The following ZFAND4 variants were observed in gnomAD, a reference collection of about 807,000 sequenced individuals.
The protein encoded by ZFAND4 is AN1-type zinc finger protein 4.
In ZFAND4, 43 loss-of-function variants were observed where a neutral mutation model predicts 64.4. The ratio of observed to expected loss-of-function variants is 0.67; its 90% confidence interval spans 0.52 to 0.86. ZFAND4 has a LOEUF of 0.86. ZFAND4 is among the 40% of genes least tolerant of loss of function. The pLI, the probability that ZFAND4 is intolerant of heterozygous loss-of-function variation, is 0.00. For synonymous variants in ZFAND4, 296 were observed against 305.7 expected (o/e 0.97, Z 0.33); for missense variants, 929 against 859.8 (o/e 1.08, Z -1.01).
chr10:45,672,650 C>T lies in ZFAND4; in HGVS notation c.-518G>A, dbSNP rs1190066161. ...GCGGCTCGCAGCCCGGGCGCCCCCC[C>T]TGCCGGCCGCTCGCTAGCTCAGCCT... is the stretch of plus-strand genomic sequence containing the variant. On this transcript the variant is annotated 5_prime_UTR_variant, in exon 1 of 10. Transcript: ENST00000344646. 3.9e-5 allele frequency: 6 copies of T among 152,070 alleles called. No individual in the cohort carries two copies. In the South Asian group the frequency reaches 8.3e-4, roughly 21 times the overall value. The allele number at this position is 152,070 out of a possible 1,614,324, so 9.4% of individuals were successfully genotyped here.
intron 5 of ZFAND4, among the ~76,000 whole-genome samples, chr10:45,647,231 G>A (rs919434518): frequency 4.6e-5 from 7 of 152,068 alleles, no homozygotes; most frequent in Non-Finnish European, 5.9e-5. Flanking sequence ...AAAACTGGGC[G>A]CTCCATCATA....
At chr10:45,625,575 T>C (rs2045755474) in intron 7 of ZFAND4, among the ~76,000 whole-genome samples, 1 of 151,048 alleles carries the variant, frequency 6.6e-6, no homozygotes, top group Non-Finnish European at 1.5e-5. Flanking sequence ...ACATTTAGCA[T>C]TTAAAAATAC....
chr10:45,626,975 A>C lies in ZFAND4; in HGVS notation c.848T>G (p.Phe283Cys). The change falls in exon 7 of 10, where the codon TTT (phenylalanine) becomes TGT (cysteine). Residue 283 changes from phenylalanine to cysteine, a missense_variant. Phe to Cys is a radical substitution (Grantham distance 205). Coordinates refer to ENST00000344646, the MANE Select transcript of ZFAND4 (RefSeq NM_174890.4). ...GATTTCGGGCGGATATGCATTCCCA[A>C]AAGCAGGTGAACAAGATTGACCAAT... Reference protein sequence around the residue: ...PNIGQSCSPAFGNAYPPEISR... With the variant: ...PNIGQSCSPACGNAYPPEISR... 3.7e-6 allele frequency: 6 copies of C among 1,614,130 alleles called. No homozygotes were observed. The highest frequency in any genetic ancestry group is 5.1e-6 in the Non-Finnish European group (6 of 1,179,994).
intron 7 of ZFAND4, among the ~76,000 whole-genome samples, chr10:45,625,235 G>C (rs193057033): frequency 5.3e-4 from 80 of 150,948 alleles, no homozygotes; most frequent in African/African-American, 1.6e-3. Context: ...CACTTTGGGA[G>C]GCCCAGGCGG....
rs1345926681 is a variant in ZFAND4, at chr10:45,626,086, T to C, written c.1737A>G (p.Arg579=). 2 of 1,614,156 alleles carry C rather than the reference T, an allele frequency of 1.2e-6. No homozygotes were observed. Among genetic ancestry groups the C allele is most frequent in the African/African-American group, 1.3e-5 (1 of 75,028 alleles). ...FLASLAGSTS[R]NRLQSTRGAG... is the part of the protein sequence containing the mutation. ...CCCCACGTGTGCTCTGTAATCTATT[T>C]CTGCTTGTGCTCCCGGCCAGTGAGG... The change falls in exon 7 of 10, where the codon AGA becomes AGG. Residue 579 remains arginine (R), a synonymous_variant. Transcript: ENST00000344646.
intron 1 of ZFAND4, among the ~76,000 whole-genome samples, chr10:45,669,966 G>A (rs547980828): frequency 4.5e-4 from 69 of 152,160 alleles, no homozygotes; most frequent in African/African-American, 1.5e-3. Context: ...TTTGAAAACC[G>A]GCACAAGACA....
intron 6 of ZFAND4, among the ~76,000 whole-genome samples, chr10:45,631,938 G>C (rs2046251362): frequency 6.6e-6 from 1 of 152,174 alleles, no homozygotes; most frequent in Non-Finnish European, 1.5e-5. Context: ...CTAAAGAAAA[G>C]GGTTTGAACA....
chr10:45,643,446 G>A (rs935144534), intron 5 of ZFAND4, among the ~76,000 whole-genome samples: 7 of 151,150 alleles, frequency 4.6e-5, no homozygotes, highest in Admixed American at 3.3e-4. Context: ...CGAGGTGGGC[G>A]GATCACCAGG....
intron 1 of ZFAND4, among the ~76,000 whole-genome samples, chr10:45,671,533 G>C (rs867067181): frequency 2.6e-5 from 4 of 152,246 alleles, no homozygotes; most frequent in South Asian, 2.1e-4. Flanking sequence ...CCTTTGCATG[G>C]ACATGGATGA....
At chr10:45,633,651 T>A (rs185568778) in intron 6 of ZFAND4, among the ~76,000 whole-genome samples, 2,458 of 145,466 alleles carry the variant, frequency 0.017, 74 homozygotes, top group African/African-American at 0.058. Flanking sequence ...AAATTTTCTT[T>A]AAAAAAAAAA....
chr10:45,640,039 CA>C, intron 5 of ZFAND4, 76 bp from the exon 6 acceptor site: 3 of 1,468,612 alleles, frequency 2.0e-6, no homozygotes, highest in Non-Finnish European at 2.7e-6. Flanking sequence ...TATGAAACAG[CA>C]ATCTATAGAA....
intron 9 of ZFAND4, 99 bp downstream of exon 9, chr10:45,618,041 G>T: frequency 8.8e-6 from 11 of 1,255,704 alleles, no homozygotes; most frequent in Non-Finnish European, 1.2e-5. Flanking sequence ...TCATCTTAAT[G>T]ATGTTATAAA....
chr10:45,624,472 T>C (rs1320196003), intron 8 of ZFAND4, 111 bp downstream of exon 8: 2 of 894,962 alleles, frequency 2.2e-6, no homozygotes, highest in Admixed American at 2.3e-5. Context: ...CAGAATTTAC[T>C]CTGTACATGC....
At chr10:45,666,163 A>G (rs992006565) in intron 1 of ZFAND4, among the ~76,000 whole-genome samples, 1 of 152,248 alleles carries the variant, frequency 6.6e-6, no homozygotes, top group Non-Finnish European at 1.5e-5. Flanking sequence ...GGATCATTTT[A>G]TAGTCCCATC....
At chr10:45,641,058 T>C (rs2046966628) in intron 5 of ZFAND4, among the ~76,000 whole-genome samples, 1 of 152,232 alleles carries the variant, frequency 6.6e-6, no homozygotes, top group Admixed American at 6.5e-5. Context: ...TACATGTTTG[T>C]TTTGCCCCTT....
At chr10:45,617,186 A>G (rs1444047980) in intron 9 of ZFAND4, among the ~76,000 whole-genome samples, 1 of 152,228 alleles carries the variant, frequency 6.6e-6, no homozygotes, top group East Asian at 1.9e-4. Context: ...ATACCTAGTA[A>G]ACCTAAAAGA....
At chr10:45,670,345 G>A (rs2049097559) in intron 1 of ZFAND4, among the ~76,000 whole-genome samples, 1 of 151,686 alleles carries the variant, frequency 6.6e-6, no homozygotes, top group South Asian at 2.1e-4. Flanking sequence ...TCCTGCCTCA[G>A]CCTCCCTAGT....
At chr10:45,663,395 G>C (rs1225521595) in intron 2 of ZFAND4, 147 bp downstream of exon 2, 1 of 596,726 alleles carries the variant, frequency 1.7e-6, no homozygotes, top group Non-Finnish European at 2.8e-6. Context: ...ATAAATGTTG[G>C]AGAGAGGGAG....
In ZFAND4 at chr10:45,626,032, C is replaced by T. The variant is rs1271531114; in HGVS notation, c.1791G>A (p.Gly597=). The T allele has an allele frequency of 5.0e-6, 8 of 1,613,996 alleles. No individual in the cohort carries two copies. In the Middle Eastern group the frequency reaches 4.9e-4, roughly 99 times the overall value. ...GAAAATGCTGGAGGTTTGTAGACAGCCCAGTTCCAGAGTTCTGAAGCCTGC... is the reference window on the plus strand; with the variant it reads ...GAAAATGCTGGAGGTTTGTAGACAGTCCAGTTCCAGAGTTCTGAAGCCTGC... ...GAGRLQNSGT[G]LSTNLQHFQE... is the part of the protein sequence containing the mutation. Residue 597 remains glycine, a synonymous_variant, in exon 7 of 10, where the codon GGG becomes GGA. Transcript: ENST00000344646.
Sources: gnomAD v4.1 joint callset for allele counts (sites outside exome capture counted in the v4.1 genomes callset) on GRCh38, gnomAD v4.1.1 for gene constraint, MANE v1.5 for transcripts, NCBI Gene and HGNC (gene_info 2026-07-23, HGNC 2026-07-21) for gene names.